Variants in CACNA2D3 observed in about 807,000 individuals in gnomAD.
CACNA2D3 encodes the protein voltage-dependent calcium channel subunit alpha-2/delta-3.
In CACNA2D3, 60 loss-of-function variants were observed where a neutral mutation model predicts 160.6. That is an observed-to-expected ratio of 0.37 (90% CI 0.30 to 0.46). The LOEUF is 0.46. CACNA2D3 is among the 20% of genes least tolerant of loss of function. The pLI is 1.00. For missense variants in CACNA2D3, 1,205 were observed against 1,365.0 expected (o/e 0.88, Z 1.85); for synonymous variants, 558 against 492.9 (o/e 1.13, Z -1.75).
At chr3:54,248,473 C>G (rs1258252267) in intron 2 of CACNA2D3, among the ~76,000 whole-genome samples, 1 of 140,282 alleles carries the variant, frequency 7.1e-6, no homozygotes, top group African/African-American at 2.7e-5. Context: ...AAGAGAGAAA[C>G]TCCATCTCAA....
intron 29 of CACNA2D3, among the ~76,000 whole-genome samples, chr3:54,977,880 G>A (rs555885932): frequency 6.6e-6 from 1 of 152,280 alleles, no homozygotes; most frequent in Non-Finnish European, 1.5e-5. Flanking sequence ...GTGTTCCATA[G>A]GCAGAGCAGC....
chr3:54,458,289 G>C (rs930014505), intron 4 of CACNA2D3, among the ~76,000 whole-genome samples: 1 of 152,090 alleles, frequency 6.6e-6, no homozygotes, highest in African/African-American at 2.4e-5. Context: ...TTTTCATTAT[G>C]ATAGTTATTG....
intron 27 of CACNA2D3, among the ~76,000 whole-genome samples, chr3:54,926,788 T>C (rs1020132077): frequency 5.3e-5 from 8 of 151,964 alleles, no homozygotes; most frequent in Middle Eastern, 3.4e-3. Flanking sequence ...TTTTTCTTCA[T>C]TCTAAATGAT....
chr3:54,165,968 G>A (rs1700447359), intron 2 of CACNA2D3, among the ~76,000 whole-genome samples: 1 of 152,166 alleles, frequency 6.6e-6, no homozygotes, highest in Non-Finnish European at 1.5e-5. Flanking sequence ...ACTGAAGTGT[G>A]CCATCCAGAG....
intron 2 of CACNA2D3, among the ~76,000 whole-genome samples, chr3:54,135,461 C>T (rs1045137260): frequency 6.6e-6 from 1 of 152,254 alleles, no homozygotes; most frequent in African/African-American, 2.4e-5. Context: ...GCGCAGCCTG[C>T]ACCAACACAC....
chr3:54,409,159 C>A (rs1699624737), intron 4 of CACNA2D3, among the ~76,000 whole-genome samples: 1 of 152,210 alleles, frequency 6.6e-6, no homozygotes, highest in Non-Finnish European at 1.5e-5. Flanking sequence ...AACAAGTTTA[C>A]TGGTGCCGTT....
At chr3:54,869,356 TAAAG>T in intron 17 of CACNA2D3, among the ~76,000 whole-genome samples, 1 of 152,328 alleles carries the variant, frequency 6.6e-6, no homozygotes, top group East Asian at 1.9e-4. Context: ...AAATTGACCT[TAAAG>T]AAGCAGAATT....
intron 35 of CACNA2D3, among the ~76,000 whole-genome samples, chr3:55,036,507 G>C (rs181247140): frequency 0.011 from 1,678 of 151,210 alleles, 24 homozygotes; most frequent in African/African-American, 0.038. Flanking sequence ...TCACTCTGTT[G>C]CCCAGGCTGG....
intron 8 of CACNA2D3, among the ~76,000 whole-genome samples, chr3:54,578,569 C>T (rs1437170230): frequency 6.6e-6 from 1 of 152,222 alleles, no homozygotes; most frequent in Admixed American, 6.5e-5. Flanking sequence ...GTGCACAGTT[C>T]CCTTACACAC....
At chr3:54,953,488 G>A (rs934600241) in intron 27 of CACNA2D3, among the ~76,000 whole-genome samples, 10 of 152,158 alleles carry the variant, frequency 6.6e-5, no homozygotes, top group East Asian at 1.9e-4. Context: ...TGAAGCCTTC[G>A]CGCTTGGTGG....
chr3:54,146,690 C>G (rs1286136312), intron 2 of CACNA2D3, among the ~76,000 whole-genome samples: 1 of 152,230 alleles, frequency 6.6e-6, no homozygotes, highest in African/African-American at 2.4e-5. Context: ...GGAGTGTGGT[C>G]TTTCTGAGCC....
At position 54,741,084 on chromosome 3, in the gene CACNA2D3, C is replaced by A. The variant is rs537096124; in HGVS notation, c.1168-11515C>A. Among the ~76,000 whole-genome samples, 6 of 152,140 alleles carry A rather than the reference C, an allele frequency of 3.9e-5. No homozygotes were observed. In the South Asian group the frequency reaches 1.0e-3, roughly 26 times the overall value. On this transcript the variant is annotated intron_variant, in intron 11 of 37. Transcript: ENST00000474759. ...CTTGGTTGTGTACCCTGATGTGGGC[C>A]TTTGGGGTCTCACTGATCCAGAGGC... is the stretch of plus-strand genomic sequence containing the variant.
chr3:54,764,810 A>G (rs957313290), intron 13 of CACNA2D3, among the ~76,000 whole-genome samples: 6 of 152,302 alleles, frequency 3.9e-5, no homozygotes, highest in East Asian at 3.9e-4. Context: ...CTTCCCATGC[A>G]TAAGTGAGAA....
intron 5 of CACNA2D3, among the ~76,000 whole-genome samples, chr3:54,514,300 G>A (rs1701508456): frequency 6.6e-6 from 1 of 152,184 alleles, no homozygotes; most frequent in African/African-American, 2.4e-5. Flanking sequence ...AAGTGAGTAA[G>A]GAGGTGATGA....
chr3:54,844,711 T>C (rs1214537259), intron 16 of CACNA2D3, among the ~76,000 whole-genome samples: 2 of 152,128 alleles, frequency 1.3e-5, no homozygotes, highest in Non-Finnish European at 2.9e-5. Context: ...CCACAGATAA[T>C]TGATTATTAT....
chr3:54,219,569 G>A (rs1347927080), intron 2 of CACNA2D3, among the ~76,000 whole-genome samples: 1 of 152,116 alleles, frequency 6.6e-6, no homozygotes, highest in African/African-American at 2.4e-5. Context: ...TTCCTTCGGG[G>A]GGATTTTTGC....
intron 4 of CACNA2D3, among the ~76,000 whole-genome samples, chr3:54,494,362 A>G (rs1377030539): frequency 2.0e-5 from 3 of 152,266 alleles, no homozygotes; most frequent in African/African-American, 4.8e-5. Context: ...AGAACACACA[A>G]TCGTCCCTGG....
intron 17 of CACNA2D3, among the ~76,000 whole-genome samples, chr3:54,865,792 G>A (rs931116784): frequency 1.3e-5 from 2 of 152,186 alleles, no homozygotes; most frequent in Non-Finnish European, 2.9e-5. Flanking sequence ...AAATGGGCGT[G>A]TTTTCAGGCC....
intron 4 of CACNA2D3, among the ~76,000 whole-genome samples, chr3:54,424,761 C>T (rs1373824808): frequency 2.0e-5 from 3 of 152,190 alleles, no homozygotes; most frequent in Non-Finnish European, 4.4e-5. Flanking sequence ...TGCATCCTCC[C>T]ATCCCCACAT....
Sources: allele counts gnomAD v4.1 joint callset (sites outside exome capture counted in the v4.1 genomes callset), GRCh38; gene constraint gnomAD v4.1.1; transcripts MANE v1.5; gene names NCBI Gene and HGNC (gene_info 2026-07-23, HGNC 2026-07-21).